RMDN2: variants seen among roughly 807,000 people sequenced by gnomAD.
The protein encoded by RMDN2 is regulator of microtubule dynamics protein 2.
In RMDN2, 61 loss-of-function variants were observed where a neutral mutation model predicts 52.8. The observed-to-expected ratio is 1.16, with a 90% CI of 0.94 to 1.43. The LOEUF (loss-of-function observed/expected upper bound fraction) is 1.43. Among genes scored for constraint, RMDN2 ranks in the 40% most tolerant of loss-of-function variants. The pLI is 0.00. For synonymous variants in RMDN2, 180 were observed against 153.1 expected (o/e 1.18, Z -1.30); for missense variants, 592 against 475.3 (o/e 1.25, Z -2.28).
intron 7 of RMDN2, among the ~76,000 whole-genome samples, chr2:37,994,913 A>G (rs1235438170): frequency 2.6e-5 from 4 of 152,196 alleles, no homozygotes; most frequent in East Asian, 3.8e-4. Flanking sequence ...ACAGAAGACT[A>G]CCTAATTGCA....
intron 2 of RMDN2, among the ~76,000 whole-genome samples, chr2:37,944,280 A>G (rs1433789298): frequency 6.6e-6 from 1 of 151,978 alleles, no homozygotes; most frequent in Non-Finnish European, 1.5e-5. Flanking sequence ...TTATTTTATA[A>G]ACAGGTGATG....
intron 2 of RMDN2, among the ~76,000 whole-genome samples, chr2:37,973,279 TATTA>T (rs1242121915): frequency 6.6e-6 from 1 of 152,218 alleles, no homozygotes; most frequent in African/African-American, 2.4e-5. Flanking sequence ...TAGGCAATAG[TATTA>T]ATTTTTAAAA....
intron 2 of RMDN2, among the ~76,000 whole-genome samples, chr2:37,973,090 T>TTG (rs765224934): frequency 5.8e-5 from 7 of 121,330 alleles, no homozygotes; most frequent in African/African-American, 2.2e-4. Flanking sequence ...TATCTAAAAT[T>TTG]TGTGTGTTTT....
chr2:37,968,628 C>G (rs1374140081), intron 2 of RMDN2, among the ~76,000 whole-genome samples: 2 of 151,996 alleles, frequency 1.3e-5, no homozygotes, highest in Non-Finnish European at 2.9e-5. Context: ...GCTGTTGTTG[C>G]TATTGAAATA....
In RMDN2 at chr2:37,926,611, C is replaced by G. The variant is rs544958126; in HGVS notation, c.-17+1186C>G. On this transcript the variant is annotated intron_variant, in intron 1 of 10. Transcript: ENST00000354545. The stretch of plus-strand genomic sequence containing the variant: ...TTTTTAATTACTATATTTTTTTATA[C>G]TACAAGTGTATACTATTAACATAAT... Among the ~76,000 whole-genome samples the G allele has an allele frequency of 2.3e-4, 35 of 152,048 alleles. No individual in the cohort carries two copies. In the South Asian group the frequency reaches 6.6e-3, roughly 29 times the overall value.
chr2:37,963,714 T>A (rs1482839395), intron 2 of RMDN2, among the ~76,000 whole-genome samples: 1 of 152,236 alleles, frequency 6.6e-6, no homozygotes, highest in East Asian at 1.9e-4. Context: ...TATGTCTACT[T>A]CTTTCTACAC....
chr2:37,962,123 T>C (rs930472573), intron 2 of RMDN2, among the ~76,000 whole-genome samples: 4 of 152,240 alleles, frequency 2.6e-5, no homozygotes, highest in Admixed American at 6.5e-5. Flanking sequence ...ATGAGGTGTC[T>C]GTCAACCTCT....
At chr2:38,030,967 A>G (rs1680155161) in intron 10 of RMDN2, 1 of 152,072 alleles carries the variant, frequency 6.6e-6, no homozygotes, top group African/African-American at 2.4e-5. Flanking sequence ...GCTAAAAAAG[A>G]TAGACTTCTA....
At chr2:37,955,154 T>C (rs1415418554) in intron 2 of RMDN2, among the ~76,000 whole-genome samples, 1 of 152,142 alleles carries the variant, frequency 6.6e-6, no homozygotes, top group African/African-American at 2.4e-5. Context: ...AGGATACTTT[T>C]GCTTCTTCCT....
At chr2:37,995,623 C>T (rs1236783371) in intron 7 of RMDN2, among the ~76,000 whole-genome samples, 2 of 152,132 alleles carry the variant, frequency 1.3e-5, no homozygotes, top group Non-Finnish European at 2.9e-5. Flanking sequence ...AACATTGGAG[C>T]CTCACATTTA....
chr2:37,944,086 G>A (rs184931377), intron 2 of RMDN2, among the ~76,000 whole-genome samples: 2 of 152,222 alleles, frequency 1.3e-5, no homozygotes, highest in Admixed American at 1.3e-4. Flanking sequence ...TAAACGTTTT[G>A]TGTAACTGCA....
intron 2 of RMDN2, among the ~76,000 whole-genome samples, chr2:37,955,601 C>T (rs966360800): frequency 3.9e-5 from 6 of 152,064 alleles, no homozygotes; most frequent in Admixed American, 6.6e-5. Context: ...GGGGGCCGAT[C>T]TTTCCTGTGC....
At chr2:37,997,347 A>T in intron 7 of RMDN2, 69 bp from the exon 8 acceptor site, 1 of 938,792 alleles carries the variant, frequency 1.1e-6, no homozygotes. Context: ...ACACACGTCT[A>T]ACTGGGGAGA....
chr2:38,017,448 C>T lies in RMDN2; in HGVS notation c.*209C>T, dbSNP rs1243768363. 2 of 1,198,764 alleles carry T rather than the reference C, an allele frequency of 1.7e-6. No individual in the cohort carries two copies. Among genetic ancestry groups the T allele is most frequent in the Non-Finnish European group, 2.2e-6 (2 of 908,332 alleles). The allele number at this position is 1,198,764 out of a possible 1,614,324, so 74.3% of individuals were successfully genotyped here. On this transcript the variant is annotated 3_prime_UTR_variant, in exon 11 of 11. Coordinates refer to ENST00000354545, the MANE Select transcript of RMDN2 (RefSeq NM_001170791.3). ...GAATCTATATACTATAATGTCAATA[C>T]ATAATCTATAAACATGTATGCTTTA...
chr2:38,015,574 A>AAG (rs1249268929), intron 10 of RMDN2, among the ~76,000 whole-genome samples: 2 of 152,058 alleles, frequency 1.3e-5, no homozygotes, highest in Admixed American at 1.3e-4. Flanking sequence ...AAAAAAAAAA[A>AAG]AAAAGAAAAA....
intron 2 of RMDN2, chr2:37,950,374 T>G: frequency 2.0e-5 from 28 of 1,423,526 alleles, no homozygotes; most frequent in South Asian, 2.4e-5. Flanking sequence ...CGGAGAAAGG[T>G]GAGCTACAGA....
At chr2:37,959,780 G>C (rs532799871) in intron 2 of RMDN2, among the ~76,000 whole-genome samples, 1 of 150,774 alleles carries the variant, frequency 6.6e-6, no homozygotes, top group Admixed American at 6.6e-5. Flanking sequence ...TTCTCCTGTA[G>C]GCATTTAGTG....
At chr2:38,006,383 G>A (rs1247218742) in intron 10 of RMDN2, among the ~76,000 whole-genome samples, 1 of 152,170 alleles carries the variant, frequency 6.6e-6, no homozygotes, top group Non-Finnish European at 1.5e-5. Flanking sequence ...TTTCATTGGA[G>A]CAGTGGTTTG....
chr2:37,963,902 G>A (rs1387253323), intron 2 of RMDN2, among the ~76,000 whole-genome samples: 5 of 122,622 alleles, frequency 4.1e-5, no homozygotes, highest in Non-Finnish European at 8.0e-5. Context: ...CGGGGCAGAG[G>A]CGCCCCCCCA....
Sources: gnomAD v4.1 joint callset for allele counts (sites outside exome capture counted in the v4.1 genomes callset) on GRCh38, gnomAD v4.1.1 for gene constraint, MANE v1.5 for transcripts, NCBI Gene and HGNC (gene_info 2026-07-23, HGNC 2026-07-21) for gene names.